Variants in STK32B observed in about 807,000 individuals in gnomAD.
The protein encoded by STK32B is serine/threonine kinase 32B.
STK32B carries 43 observed loss-of-function variants against 52.6 expected under a neutral mutation model. The ratio of observed to expected loss-of-function variants is 0.82; its 90% CI spans 0.64 to 1.05. STK32B has a LOEUF of 1.05. Among genes scored for constraint, STK32B ranks in the 50% least tolerant of loss-of-function variants. STK32B has a pLI of 0.00. For missense variants in STK32B, 621 were observed against 534.6 expected (o/e 1.16, Z -1.59); for synonymous variants, 238 against 204.3 (o/e 1.17, Z -1.41).
At chr4:5,454,868 G>T (rs1023156865) in intron 7 of STK32B, among the ~76,000 whole-genome samples, 1 of 152,128 alleles carries the variant, frequency 6.6e-6, no homozygotes, top group Non-Finnish European at 1.5e-5. Context: ...CACACGCAAT[G>T]ATGGGCAGAA....
intron 3 of STK32B, among the ~76,000 whole-genome samples, chr4:5,244,440 T>A (rs1004581019): frequency 6.6e-6 from 1 of 152,224 alleles, no homozygotes; most frequent in Admixed American, 6.5e-5. Context: ...TGTCATTTTT[T>A]ATTGCATCTA....
intron 3 of STK32B, among the ~76,000 whole-genome samples, chr4:5,244,034 A>G (rs959184642): frequency 6.6e-6 from 1 of 151,904 alleles, no homozygotes; most frequent in Non-Finnish European, 1.5e-5. Flanking sequence ...ATTGGTCTAA[A>G]TTTCTCTTTT....
At position 5,386,763 on chromosome 4, in the gene STK32B, G is replaced by A. The variant is rs1193049015; in HGVS notation, c.435-11444G>A. Among the ~76,000 whole-genome samples, 1 of 152,164 alleles carries A rather than the reference G, an allele frequency of 6.6e-6. No individual in the cohort carries two copies. The highest frequency in any genetic ancestry group is 2.4e-5 in the African/African-American group (1 of 41,446). On this transcript the variant is annotated intron_variant, in intron 4 of 11. Coordinates refer to ENST00000282908, the MANE Select transcript of STK32B (RefSeq NM_018401.3). This position sits in a 1 kb window ranked among gnomAD's most constrained non-coding sequence, Gnocchi z 4.5. The stretch of plus-strand genomic sequence containing the variant: ...GTCCCCTCATCTGGAAAATGACCAG[G>A]TCGTTCCGGGTGGTGGCTGGACCCT...
chr4:5,315,922 C>A (rs577328574), intron 3 of STK32B, among the ~76,000 whole-genome samples: 10 of 150,678 alleles, frequency 6.6e-5, no homozygotes, highest in Non-Finnish European at 1.3e-4. Flanking sequence ...CCAAGCTGAT[C>A]TCGAACTCCT....
intron 3 of STK32B, among the ~76,000 whole-genome samples, chr4:5,236,022 A>G (rs1187597231): frequency 6.6e-6 from 1 of 151,968 alleles, no homozygotes; most frequent in Non-Finnish European, 1.5e-5. Context: ...GCACAGCCAG[A>G]GCAGCCAGGA....
chr4:5,317,448 AATATATATAATAT>A lies in STK32B; in HGVS notation c.261-13767_261-13755del, dbSNP rs1731151767. 5.2e-5 allele frequency among the ~76,000 whole-genome samples: 2 copies of A among 38,204 alleles called. 1 individual carries two copies. The highest frequency in any genetic ancestry group is 1.3e-3 in the South Asian group (2 of 1,596). 25.1% of individuals were successfully genotyped at this position (38,204 alleles called of 152,430 possible). A position where few individuals can be genotyped will look rare whatever the true frequency, so the allele number is the denominator to read the frequency against. On this transcript the variant is annotated intron_variant, in intron 3 of 11. Coordinates refer to ENST00000282908, the MANE Select transcript of STK32B (RefSeq NM_018401.3). ...ATACATATATATTACATATATACAT[AATATATATAATAT>A]ATATGTATAATATATATATTACATA...
intron 11 of STK32B, among the ~76,000 whole-genome samples, chr4:5,493,235 T>A (rs532205880): frequency 6.6e-6 from 1 of 152,314 alleles, no homozygotes; most frequent in South Asian, 2.1e-4. Context: ...GGTAAGCTAT[T>A]GATTATTGCC....
chr4:5,264,481 T>G (rs1286213489), intron 3 of STK32B, among the ~76,000 whole-genome samples: 2 of 139,304 alleles, frequency 1.4e-5, no homozygotes, highest in Non-Finnish European at 3.0e-5. Flanking sequence ...TTTTAAAACT[T>G]AAAAAAAAAA....
At chr4:5,148,730 A>G (rs187782988) in intron 2 of STK32B, among the ~76,000 whole-genome samples, 498 of 152,016 alleles carry the variant, frequency 3.3e-3, no homozygotes, top group African/African-American at 0.011. Flanking sequence ...TTCAGTAAAT[A>G]TTAGTCCAGT....
chr4:5,369,863 A>T (rs371010687), intron 4 of STK32B, among the ~76,000 whole-genome samples: 12 of 144,890 alleles, frequency 8.3e-5, no homozygotes, highest in Non-Finnish European at 1.5e-4. Flanking sequence ...CAAAGAGTAT[A>T]TTTTTTTTGT....
chr4:5,494,545 T>G (rs975094177), intron 11 of STK32B, among the ~76,000 whole-genome samples: 3 of 152,198 alleles, frequency 2.0e-5, no homozygotes, highest in African/African-American at 7.2e-5. Flanking sequence ...CCAGTCTGTG[T>G]CTTTTAATTG....
chr4:5,179,509 ATATAT>A (rs760479012), intron 3 of STK32B, among the ~76,000 whole-genome samples: 2 of 151,062 alleles, frequency 1.3e-5, no homozygotes, highest in Non-Finnish European at 3.0e-5. Flanking sequence ...ATGATAGATG[ATATAT>A]TAGATAGATG....
At chr4:5,228,676 G>A (rs1724037243) in intron 3 of STK32B, among the ~76,000 whole-genome samples, 1 of 152,156 alleles carries the variant, frequency 6.6e-6, no homozygotes, top group South Asian at 2.1e-4. Context: ...GCATATAAAA[G>A]TTATGTTTAG....
At chr4:5,022,190 C>G in the STK32B span, among the ~76,000 whole-genome samples, 11 of 152,340 alleles carry the variant, frequency 7.2e-5, no homozygotes, top group African/African-American at 2.6e-4. Flanking sequence ...GCATCTGTCT[C>G]CTTTAATGAC....
At chr4:5,446,586 T>G in intron 6 of STK32B, 87 bp from the exon 7 acceptor site, 1 of 985,754 alleles carries the variant, frequency 1.0e-6, no homozygotes. Flanking sequence ...AAAAACAAGC[T>G]CAATTTCTCT....
chr4:5,305,415 A>G (rs972437861), intron 3 of STK32B, among the ~76,000 whole-genome samples: 3 of 152,056 alleles, frequency 2.0e-5, no homozygotes, highest in Non-Finnish European at 2.9e-5. Context: ...GGTTTAATCT[A>G]GGAAGCTTGT....
rs780983138 is a variant in STK32B at position 5,051,887 on chromosome 4, G to GC, written c.30dup (p.Val11ArgfsTer3). On this transcript the variant is annotated frameshift_variant, in exon 1 of 12. Coordinates refer to ENST00000282908, the MANE Select transcript of STK32B (RefSeq NM_018401.3). LOFTEE classifies it high-confidence loss of function. ...ATATGGGCGGGAACCACTCCCACAA[G>GC]CCCCCCGTGTTTGACGAGAATGAGG... 1.2e-6 allele frequency: 2 copies of GC among 1,600,490 alleles called. No individual in the cohort carries two copies. Among genetic ancestry groups the GC allele is most frequent in the South Asian group, 1.1e-5 (1 of 88,450 alleles).
chr4:5,231,272 C>G (rs1724248058), intron 3 of STK32B, among the ~76,000 whole-genome samples: 1 of 152,076 alleles, frequency 6.6e-6, no homozygotes, highest in African/African-American at 2.4e-5. Flanking sequence ...GCTGTAGACA[C>G]TCAATAAATA....
At chr4:5,219,516 C>T (rs751313647) in intron 3 of STK32B, among the ~76,000 whole-genome samples, 1 of 152,236 alleles carries the variant, frequency 6.6e-6, no homozygotes, top group Non-Finnish European at 1.5e-5. Context: ...TGAAGACAGA[C>T]AGCAGAGGGT....
Sources: gnomAD v4.1 joint callset for allele counts (sites outside exome capture counted in the v4.1 genomes callset) on GRCh38, gnomAD v4.1.1 for gene constraint, Gnocchi (gnomAD v3.1) non-coding constraint, MANE v1.5 for transcripts, NCBI Gene and HGNC (gene_info 2026-07-23, HGNC 2026-07-21) for gene names.